The following NKAIN2 variants were observed in gnomAD, a reference collection of about 807,000 sequenced individuals.
The protein encoded by NKAIN2 is sodium/potassium transporting ATPase interacting 2.
A neutral mutation model predicts 32.6 loss-of-function variants in NKAIN2; 14 were observed. That is an observed-to-expected ratio of 0.43 (90% CI 0.28 to 0.67). The LOEUF (loss-of-function observed/expected upper bound fraction) is 0.67, where lower values mean the gene tolerates loss of function less well. NKAIN2 is among the 30% of genes least tolerant of loss of function. The probability of loss-of-function intolerance (pLI) is 0.17; values close to 1 mark genes in which losing one functional copy is unlikely to be tolerated. For synonymous variants in NKAIN2, 80 were observed against 87.2 expected (o/e 0.92, Z 0.46); for missense variants, 198 against 258.3 (o/e 0.77, Z 1.60).
intron 1 of NKAIN2, among the ~76,000 whole-genome samples, chr6:123,962,380 G>A (rs1374936860): frequency 6.6e-6 from 1 of 152,158 alleles, no homozygotes; most frequent in East Asian, 1.9e-4. Context: ...TCATTTCAAA[G>A]ATGGACACGA....
At chr6:124,108,501 T>C (rs973949848) in intron 1 of NKAIN2, among the ~76,000 whole-genome samples, 11 of 152,040 alleles carry the variant, frequency 7.2e-5, no homozygotes. Flanking sequence ...TTCTTTCACT[T>C]TGTTGATTAT....
intron 1 of NKAIN2, among the ~76,000 whole-genome samples, chr6:123,897,040 A>G (rs1329972600): frequency 6.6e-6 from 1 of 152,116 alleles, no homozygotes; most frequent in Non-Finnish European, 1.5e-5. Flanking sequence ...GTTGTCCTTG[A>G]TATGAATCTC....
chr6:123,866,284 C>T (rs1772507798), intron 1 of NKAIN2, among the ~76,000 whole-genome samples: 1 of 152,114 alleles, frequency 6.6e-6, no homozygotes, highest in Non-Finnish European at 1.5e-5. Flanking sequence ...CTATCCTTGA[C>T]AGCCACATTT....
chr6:124,704,649 G>C (rs1329862526), intron 4 of NKAIN2, among the ~76,000 whole-genome samples: 1 of 151,502 alleles, frequency 6.6e-6, no homozygotes, highest in Non-Finnish European at 1.5e-5. Flanking sequence ...GAGACAGAGA[G>C]AGAGAGAGAG....
chr6:124,267,677 TAGTC>T (rs532634716), intron 1 of NKAIN2, among the ~76,000 whole-genome samples: 63 of 152,290 alleles, frequency 4.1e-4, no homozygotes, highest in African/African-American at 1.2e-3. Context: ...TTGGGACTAA[TAGTC>T]AGTCAGTTGA....
chr6:124,418,462 A>C (rs1774595393), intron 3 of NKAIN2, among the ~76,000 whole-genome samples: 1 of 148,444 alleles, frequency 6.7e-6, no homozygotes, highest in South Asian at 2.1e-4. Context: ...AACTATACAT[A>C]TAGTTTATAT....
At chr6:124,517,202 G>A (rs957871684) in intron 3 of NKAIN2, among the ~76,000 whole-genome samples, 3 of 152,102 alleles carry the variant, frequency 2.0e-5, no homozygotes, top group Admixed American at 6.5e-5. Context: ...GGTCATGAGC[G>A]TATATGTCAC....
At chr6:124,737,249 AG>A (rs1776992151) in intron 4 of NKAIN2, among the ~76,000 whole-genome samples, 1 of 151,858 alleles carries the variant, frequency 6.6e-6, no homozygotes, top group Non-Finnish European at 1.5e-5. Context: ...ATTGAATCAC[AG>A]GGATGGTTAC....
chr6:124,745,772 C>A (rs752578765), intron 4 of NKAIN2, among the ~76,000 whole-genome samples: 3 of 151,862 alleles, frequency 2.0e-5, no homozygotes, highest in Non-Finnish European at 4.4e-5. Context: ...AAAGATCAGA[C>A]ATATCCTTAG....
At chr6:124,078,006 A>G (rs1180984252) in intron 1 of NKAIN2, among the ~76,000 whole-genome samples, 1 of 152,130 alleles carries the variant, frequency 6.6e-6, no homozygotes, top group Non-Finnish European at 1.5e-5. Flanking sequence ...TTTATTTTGC[A>G]TTCTACTCCA....
chr6:124,355,552 T>A (rs1233012144), intron 3 of NKAIN2, among the ~76,000 whole-genome samples: 1 of 152,166 alleles, frequency 6.6e-6, no homozygotes, highest in Non-Finnish European at 1.5e-5. Flanking sequence ...TAAGCAAAAC[T>A]AAGTGAACTG....
intron 2 of NKAIN2, among the ~76,000 whole-genome samples, chr6:124,329,145 C>T (rs749523370): frequency 2.6e-4 from 40 of 152,186 alleles, no homozygotes; most frequent in Non-Finnish European, 5.3e-4. Context: ...CCAGTCTGGC[C>T]AGCTTACCTA....
intron 1 of NKAIN2, among the ~76,000 whole-genome samples, chr6:123,972,892 T>C (rs1057397773): frequency 2.0e-5 from 3 of 152,114 alleles, no homozygotes; most frequent in Non-Finnish European, 4.4e-5. Context: ...ATACATACTG[T>C]GGTTAGAAAA....
At chr6:124,090,524 G>A (rs530271054) in intron 1 of NKAIN2, among the ~76,000 whole-genome samples, 3 of 152,006 alleles carry the variant, frequency 2.0e-5, no homozygotes, top group African/African-American at 7.2e-5. Flanking sequence ...AGAGGCATAA[G>A]TCAGATGAGA....
chr6:124,426,922 C>A (rs1342611685), intron 3 of NKAIN2, among the ~76,000 whole-genome samples: 1 of 152,158 alleles, frequency 6.6e-6, no homozygotes, highest in Non-Finnish European at 1.5e-5. Flanking sequence ...CTTTCACCTT[C>A]CACCATGATT....
chr6:124,137,511 A>C (rs1277934692), intron 1 of NKAIN2, among the ~76,000 whole-genome samples: 5 of 152,088 alleles, frequency 3.3e-5, no homozygotes. Context: ...AAAAAAAACT[A>C]TTCTAAAATT....
intron 3 of NKAIN2, among the ~76,000 whole-genome samples, chr6:124,594,152 T>C (rs931909570): frequency 6.6e-6 from 1 of 152,232 alleles, no homozygotes; most frequent in African/African-American, 2.4e-5. Context: ...GATACAGAAC[T>C]CAGCACTCAA....
At position 124,667,246 on chromosome 6, in the gene NKAIN2, C is replaced by T. The variant is rs185189799; in HGVS notation, c.474+8860C>T. On this transcript the variant is annotated intron_variant, in intron 4 of 6. Coordinates refer to ENST00000368417, the MANE Select transcript of NKAIN2 (RefSeq NM_001040214.3). ...ACATCAGGGAATAAAAATGCCAACA[C>T]ATTTAAGATAGTAGTAAGGATTATA... Among the ~76,000 whole-genome samples the T allele has an allele frequency of 6.8e-4, 104 of 152,076 alleles. 1 individual carries two copies. The highest frequency in any genetic ancestry group is 6.6e-3 in the Admixed American group (101 of 15,278).
intron 4 of NKAIN2, among the ~76,000 whole-genome samples, chr6:124,684,809 A>G (rs1285742672): frequency 3.3e-5 from 5 of 152,168 alleles, no homozygotes; most frequent in Non-Finnish European, 7.3e-5. Flanking sequence ...AAATGCCAAT[A>G]ACAATAGCAA....
Sources: allele counts gnomAD v4.1 joint callset (sites outside exome capture counted in the v4.1 genomes callset), GRCh38; gene constraint gnomAD v4.1.1; transcripts MANE v1.5; gene names NCBI Gene and HGNC (gene_info 2026-07-23, HGNC 2026-07-21).